NBAS: variants seen among roughly 807,000 people sequenced by gnomAD.
NBAS encodes NAG/BC035112 fusion.
NBAS carries 219 observed loss-of-function variants against 302.5 expected under a neutral mutation model. That is an observed-to-expected ratio of 0.72 (90% CI 0.65 to 0.81). The LOEUF (loss-of-function observed/expected upper bound fraction) is 0.81. NBAS is among the 30% of genes least tolerant of loss of function. NBAS has a pLI of 0.00. For missense variants in NBAS, 2,932 were observed against 2,841.6 expected (o/e 1.03, Z -0.72); for synonymous variants, 1,118 against 1,021.6 (o/e 1.09, Z -1.80).
rs747129725 is a variant in NBAS at position 15,327,826 on chromosome 2, G to A, written c.4506C>T (p.Ser1502=). The A allele has an allele frequency of 6.2e-7, 1 of 1,613,564 alleles. No individual in the cohort carries two copies. Among genetic ancestry groups the A allele is most frequent in the East Asian group, 2.2e-5 (1 of 44,836 alleles). ...YDTYQHVPVE[S]FAEVLLRTGK... ...CAGTTCTCAGCAATACTTCTGCAAA[G>A]CTTTCCACTGGAACATGCTGATAGG... is the stretch of plus-strand genomic sequence containing the variant. The change falls in exon 38 of 52, where the codon AGC becomes AGT. Residue 1502 remains serine (S), a synonymous_variant. Coordinates refer to ENST00000281513, the MANE Select transcript of NBAS (RefSeq NM_015909.4).
chr2:15,534,533 G>A lies in NBAS; in HGVS notation c.746+10C>T. ...TGTCCCACTAAATATGAGAACAAAT[G>A]GTTACTTACCTGTGACCAGGGTGGT... On this transcript the variant is annotated intron_variant, in intron 9 of 51. Transcript: ENST00000281513. The A allele has an allele frequency of 6.4e-7, 1 of 1,560,450 alleles. No individual in the cohort carries two copies. Among genetic ancestry groups the A allele is most frequent in the South Asian group, 1.1e-5 (1 of 90,102 alleles).
intron 35 of NBAS, among the ~76,000 whole-genome samples, chr2:15,344,406 G>A (rs762318491): frequency 3.9e-5 from 6 of 152,094 alleles, no homozygotes; most frequent in Admixed American, 6.6e-5. Flanking sequence ...AGAAAATCTA[G>A]AAGAAATGGA....
intron 8 of NBAS, among the ~76,000 whole-genome samples, chr2:15,535,539 T>C (rs1663454899): frequency 7.7e-6 from 1 of 130,210 alleles, no homozygotes; most frequent in South Asian, 2.5e-4. Flanking sequence ...AATAAATAAA[T>C]AAATAAATAA....
chr2:14,844,119 C>A, the NBAS span, among the ~76,000 whole-genome samples: 1 of 152,054 alleles, frequency 6.6e-6, no homozygotes, highest in African/African-American at 2.4e-5. Flanking sequence ...CCAGGGAGCA[C>A]AGCTTGTGAC....
At chr2:15,281,054 G>T (rs1669802923) in intron 42 of NBAS, among the ~76,000 whole-genome samples, 1 of 152,160 alleles carries the variant, frequency 6.6e-6, no homozygotes, top group South Asian at 2.1e-4. Flanking sequence ...AACTTTTCAA[G>T]AACACCCAGG....
At chr2:15,306,550 G>C (rs945640229) in intron 40 of NBAS, among the ~76,000 whole-genome samples, 1 of 152,112 alleles carries the variant, frequency 6.6e-6, no homozygotes, top group African/African-American at 2.4e-5. Context: ...CTAGTTCTTA[G>C]ATATGATTTG....
In NBAS at chr2:15,474,329, A is replaced by G. The variant is rs549859306; in HGVS notation, c.1342-5T>C. ...GGGGGCAAGTTTAATCTCACACTAA[A>G]TTGAAAAAGGAGATTTGAAGTTAAT... is the stretch of plus-strand genomic sequence containing the variant. On this transcript the variant is annotated splice_region_variant and splice_polypyrimidine_tract_variant and intron_variant, in intron 14 of 51. Coordinates refer to ENST00000281513, the MANE Select transcript of NBAS (RefSeq NM_015909.4). 1 of 1,609,458 alleles carries G rather than the reference A, an allele frequency of 6.2e-7. No individual in the cohort carries two copies. Among genetic ancestry groups the G allele is most frequent in the South Asian group, 1.1e-5 (1 of 90,144 alleles).
chr2:15,223,402 T>G (rs1667032743), intron 47 of NBAS, among the ~76,000 whole-genome samples: 1 of 152,048 alleles, frequency 6.6e-6, no homozygotes. Context: ...AAAACCGCAA[T>G]TATAACTTTT....
the NBAS span, among the ~76,000 whole-genome samples, chr2:14,781,914 A>C: frequency 6.6e-6 from 1 of 152,130 alleles, no homozygotes; most frequent in Admixed American, 6.5e-5. Flanking sequence ...TGAAATCCAA[A>C]GTCCATCCTC....
intron 38 of NBAS, among the ~76,000 whole-genome samples, chr2:15,325,938 A>T (rs566454748): frequency 2.4e-4 from 37 of 152,178 alleles, no homozygotes; most frequent in Non-Finnish European, 5.0e-4. Context: ...TAGGGTTATT[A>T]ACTTGCCTCA....
At chr2:14,786,436 C>T in the NBAS span, among the ~76,000 whole-genome samples, 1 of 152,042 alleles carries the variant, frequency 6.6e-6, no homozygotes, top group Non-Finnish European at 1.5e-5. Context: ...TTGGATCTTT[C>T]CTGCTTTCTC....
the NBAS span, among the ~76,000 whole-genome samples, chr2:14,855,213 C>T: frequency 1.3e-5 from 2 of 151,918 alleles, no homozygotes; most frequent in Admixed American, 6.6e-5. Context: ...CCCGGTCCTG[C>T]CAGCATTCAT....
At chr2:14,783,460 T>G in the NBAS span, among the ~76,000 whole-genome samples, 2 of 119,646 alleles carry the variant, frequency 1.7e-5, no homozygotes, top group Non-Finnish European at 3.5e-5. Context: ...CCTAATGCTA[T>G]CCCTCCCCCC....
intron 50 of NBAS, 155 bp from the exon 51 acceptor site, chr2:15,179,271 G>T: frequency 9.4e-7 from 1 of 1,069,430 alleles, no homozygotes; most frequent in Non-Finnish European, 1.4e-6. Flanking sequence ...GAATATGGGC[G>T]TTGGTACCTG....
At chr2:15,397,208 A>G (rs184489457) in intron 26 of NBAS, among the ~76,000 whole-genome samples, 1 of 152,304 alleles carries the variant, frequency 6.6e-6, no homozygotes, top group Admixed American at 6.5e-5. Context: ...GAAAAAGATT[A>G]TAACTGCTAT....
At chr2:15,173,229 C>A (rs1664378537) in intron 51 of NBAS, among the ~76,000 whole-genome samples, 1 of 152,176 alleles carries the variant, frequency 6.6e-6, no homozygotes, top group African/African-American at 2.4e-5. Flanking sequence ...CAAAGCACTG[C>A]TGTCTTCCAA....
At chr2:15,098,340 A>ATC in the NBAS span, among the ~76,000 whole-genome samples, 318 of 7,342 alleles carry the variant, frequency 0.043, 153 homozygotes, top group Non-Finnish European at 0.047. Flanking sequence ...TATTGTATAT[A>ATC]ATATATAATA....
At chr2:15,047,774 G>A in the NBAS span, among the ~76,000 whole-genome samples, 16 of 151,154 alleles carry the variant, frequency 1.1e-4, no homozygotes, top group African/African-American at 3.6e-4. Context: ...GAGAGAACAC[G>A]AACATGTGCT....
At chr2:15,380,379 C>T (rs944042369) in intron 29 of NBAS, among the ~76,000 whole-genome samples, 12 of 152,038 alleles carry the variant, frequency 7.9e-5, no homozygotes, top group Admixed American at 1.3e-4. Flanking sequence ...TGCATGCAGC[C>T]CCATTTTAAT....
Sources: allele counts gnomAD v4.1 joint callset (sites outside exome capture counted in the v4.1 genomes callset), GRCh38; gene constraint gnomAD v4.1.1; transcripts MANE v1.5; gene names NCBI Gene and HGNC (gene_info 2026-07-23, HGNC 2026-07-21).